The following RAB11FIP4 variants were observed in gnomAD, a reference collection of about 807,000 sequenced individuals.
The protein encoded by RAB11FIP4 is RAB11 family interacting protein 4, also known as rab11 family-interacting protein 4.
In RAB11FIP4, 23 loss-of-function variants were observed where a neutral mutation model predicts 74.3. That is an observed-to-expected ratio of 0.31 (90% CI 0.22 to 0.44). The LOEUF (loss-of-function observed/expected upper bound fraction) is 0.44. RAB11FIP4 is among the 20% of genes least tolerant of loss of function. The pLI is 1.00. For synonymous variants in RAB11FIP4, 360 were observed against 359.9 expected (o/e 1.00, Z 0.00); for missense variants, 630 against 863.9 (o/e 0.73, Z 3.39).
chr17:31,467,707 C>T (rs1567665782), intron 3 of RAB11FIP4, among the ~76,000 whole-genome samples: 1 of 152,228 alleles, frequency 6.6e-6, no homozygotes, highest in East Asian at 1.9e-4. Context: ...CTGTGGAGGG[C>T]CCAGGCACAC....
rs564883759 is a variant in RAB11FIP4, at chr17:31,520,669, G to A, written c.564-497G>A. On this transcript the variant is annotated intron_variant, in intron 4 of 14. Transcript: ENST00000621161. ...ACTACAGGTGCTCGCCACCACGCCC[G>A]GCTAATTTTTTGTATTTCTAGTAGA... is the stretch of plus-strand genomic sequence containing the variant. Among the ~76,000 whole-genome samples the A allele has an allele frequency of 3.1e-3, 473 of 152,106 alleles. 2 individuals carry two copies. The highest frequency in any genetic ancestry group is 0.01 in the Middle Eastern group (3 of 292).
At chr17:31,505,404 T>TATA in intron 3 of RAB11FIP4, among the ~76,000 whole-genome samples, 1 of 113,020 alleles carries the variant, frequency 8.8e-6, no homozygotes, top group Non-Finnish European at 1.7e-5. Context: ...AATAATAATA[T>TATA]ATAATAATTA....
chr17:31,453,924 C>G (rs748428247), intron 3 of RAB11FIP4, among the ~76,000 whole-genome samples: 19 of 151,990 alleles, frequency 1.3e-4, no homozygotes, highest in South Asian at 2.1e-4. Flanking sequence ...CATTGAATAT[C>G]TTTTGACTCA....
At chr17:31,524,800 T>G in intron 9 of RAB11FIP4, 2 of 498,282 alleles carry the variant, frequency 4.0e-6, no homozygotes, top group Non-Finnish European at 7.2e-6. Context: ...AGGCCTGAGG[T>G]GGTTCCGGCC....
intron 1 of RAB11FIP4, among the ~76,000 whole-genome samples, chr17:31,402,794 T>G (rs1441525002): frequency 6.6e-6 from 1 of 151,476 alleles, no homozygotes; most frequent in African/African-American, 2.4e-5. Context: ...GCTAATTTTT[T>G]TTTTGTATTT....
intron 1 of RAB11FIP4, among the ~76,000 whole-genome samples, chr17:31,406,870 T>C (rs2071046789): frequency 6.6e-6 from 1 of 152,168 alleles, no homozygotes; most frequent in African/African-American, 2.4e-5. Flanking sequence ...ATATGTTTTC[T>C]TTCAATTATA....
At chr17:31,458,276 C>T (rs914131239) in intron 3 of RAB11FIP4, among the ~76,000 whole-genome samples, 1 of 152,192 alleles carries the variant, frequency 6.6e-6, no homozygotes, top group Non-Finnish European at 1.5e-5. Context: ...GAGGCAGGAC[C>T]AGAGGACTCC....
At chr17:31,488,009 G>A (rs2071930250) in intron 3 of RAB11FIP4, 1 of 1,008,060 alleles carries the variant, frequency 9.9e-7, no homozygotes, top group Admixed American at 5.9e-5. Context: ...CCGAGTCCCG[G>A]GGCCCAGGCG....
chr17:31,471,981 T>C (rs964757047), intron 3 of RAB11FIP4, among the ~76,000 whole-genome samples: 1 of 151,896 alleles, frequency 6.6e-6, no homozygotes, highest in South Asian at 2.1e-4. Flanking sequence ...GCCAACATAG[T>C]GAAACCCCAT....
intron 4 of RAB11FIP4, among the ~76,000 whole-genome samples, chr17:31,519,645 C>T (rs1472330710): frequency 6.6e-6 from 1 of 152,180 alleles, no homozygotes; most frequent in Non-Finnish European, 1.5e-5. Flanking sequence ...GAGGGGTTCC[C>T]ATGTTGGTTG....
At chr17:31,471,406 G>A (rs900992327) in intron 3 of RAB11FIP4, among the ~76,000 whole-genome samples, 9 of 151,994 alleles carry the variant, frequency 5.9e-5, no homozygotes, top group African/African-American at 2.2e-4. Context: ...ATAATATTTG[G>A]TCACATATCA....
intron 3 of RAB11FIP4, among the ~76,000 whole-genome samples, chr17:31,467,556 G>C (rs1167832975): frequency 6.6e-6 from 1 of 152,156 alleles, no homozygotes; most frequent in Admixed American, 6.5e-5. Context: ...CCAGGGACAT[G>C]ACAGAAGTCT....
At chr17:31,470,173 C>A (rs2071724471) in intron 3 of RAB11FIP4, among the ~76,000 whole-genome samples, 1 of 152,178 alleles carries the variant, frequency 6.6e-6, no homozygotes, top group Non-Finnish European at 1.5e-5. Context: ...CTCTGCCTGC[C>A]ACTATCAAAG....
intron 3 of RAB11FIP4, among the ~76,000 whole-genome samples, chr17:31,505,625 A>AATT (rs1555548850): frequency 1.2e-5 from 1 of 80,952 alleles, no homozygotes; most frequent in Non-Finnish European, 2.5e-5. Flanking sequence ...TATAATATAT[A>AATT]ATTATATAAT....
intron 7 of RAB11FIP4, chr17:31,523,174 C>G: frequency 2.8e-6 from 1 of 361,322 alleles, no homozygotes; most frequent in Non-Finnish European, 5.3e-6. Context: ...GGGGGCTTCC[C>G]CACTGGAAGA....
At chr17:31,396,183 C>CAAAAAAAAAAAAAA (rs55991343) in intron 1 of RAB11FIP4, among the ~76,000 whole-genome samples, 4 of 122,612 alleles carry the variant, frequency 3.3e-5, no homozygotes, top group African/African-American at 1.3e-4. Context: ...GACCCTGCCA[C>CAAAAAAAAAAAAAA]AAAAAAAAAA....
intron 3 of RAB11FIP4, among the ~76,000 whole-genome samples, chr17:31,438,274 C>T (rs1299392866): frequency 6.6e-6 from 1 of 152,074 alleles, no homozygotes; most frequent in Non-Finnish European, 1.5e-5. Context: ...GCTAGGGGCC[C>T]GTGGTCACCC....
intron 1 of RAB11FIP4, among the ~76,000 whole-genome samples, chr17:31,405,779 A>C (rs2071036561): frequency 6.6e-6 from 1 of 152,228 alleles, no homozygotes; most frequent in African/African-American, 2.4e-5. Flanking sequence ...TAGGAAAAAG[A>C]AAGCTAACTA....
At chr17:31,467,493 C>T (rs946619524) in intron 3 of RAB11FIP4, among the ~76,000 whole-genome samples, 5 of 152,186 alleles carry the variant, frequency 3.3e-5, no homozygotes, top group Non-Finnish European at 7.3e-5. Flanking sequence ...TGCCCTCAGT[C>T]TTTCTCTCTG....
Sources: allele counts gnomAD v4.1 joint callset (sites outside exome capture counted in the v4.1 genomes callset), GRCh38; gene constraint gnomAD v4.1.1; transcripts MANE v1.5; gene names NCBI Gene and HGNC (gene_info 2026-07-23, HGNC 2026-07-21).